Variants in RUNDC3B observed in about 807,000 individuals in gnomAD.
RUNDC3B encodes RUN domain-containing protein 3B.
A neutral mutation model predicts 58.4 loss-of-function variants in RUNDC3B; 33 were observed. That is an observed-to-expected ratio of 0.56 (90% CI 0.43 to 0.75). RUNDC3B has a LOEUF of 0.75. RUNDC3B is among the 30% of genes least tolerant of loss of function. RUNDC3B has a pLI of 0.00. For synonymous variants in RUNDC3B, 193 were observed against 195.2 expected (o/e 0.99, Z 0.10); for missense variants, 501 against 535.7 (o/e 0.94, Z 0.64).
At chr7:87,709,719 A>G (rs1437691620) in intron 3 of RUNDC3B, among the ~76,000 whole-genome samples, 2 of 152,092 alleles carry the variant, frequency 1.3e-5, no homozygotes, top group Admixed American at 6.6e-5. Context: ...ATATATATTG[A>G]TTAGTGTCAC....
chr7:87,763,109 C>A (rs534276430), intron 6 of RUNDC3B, among the ~76,000 whole-genome samples: 2 of 151,294 alleles, frequency 1.3e-5, no homozygotes, highest in Admixed American at 1.3e-4. Context: ...TTCTATGATA[C>A]CCCATTAATT....
chr7:87,781,123 G>A (rs1348657318), intron 8 of RUNDC3B, among the ~76,000 whole-genome samples: 2 of 152,052 alleles, frequency 1.3e-5, no homozygotes, highest in South Asian at 2.1e-4. Context: ...TCATGAGCAC[G>A]GAATATTTTT....
chr7:87,700,446 A>C lies in RUNDC3B; in HGVS notation c.264A>C (p.Glu88Asp), dbSNP rs749444560. The C allele has an allele frequency of 1.2e-6, 2 of 1,612,068 alleles. No individual in the cohort carries two copies. Among genetic ancestry groups the C allele is most frequent in the South Asian group, 2.2e-5 (2 of 90,124 alleles). ...GTCAAGTAACCTGGTTTGGTTATGA[A>C]AGTCCTCGTAGCTTCTGGGACTATA... ...LKGQVTWFGY[E>D]SPRSFWDYIR... Residue 88 changes from glutamate to aspartate, a missense_variant, in exon 3 of 11, where the codon GAA becomes GAC. Glu to Asp is a conservative substitution (Grantham distance 45, BLOSUM62 2). Coordinates refer to ENST00000394654, the MANE Select transcript of RUNDC3B (RefSeq NM_001134405.2).
intron 5 of RUNDC3B, among the ~76,000 whole-genome samples, chr7:87,740,482 T>A (rs1349724625): frequency 2.6e-5 from 4 of 152,248 alleles, no homozygotes; most frequent in Admixed American, 2.6e-4. Flanking sequence ...GATCCCAGAT[T>A]TTACATTATA....
At chr7:87,722,828 C>G (rs759023837) in intron 4 of RUNDC3B, among the ~76,000 whole-genome samples, 1 of 152,192 alleles carries the variant, frequency 6.6e-6, no homozygotes, top group Non-Finnish European at 1.5e-5. Context: ...GTTGAGAAAT[C>G]AAGGGACTTG....
At chr7:87,712,337 A>AT (rs1563154684) in intron 4 of RUNDC3B, among the ~76,000 whole-genome samples, 1 of 152,142 alleles carries the variant, frequency 6.6e-6, no homozygotes, top group African/African-American at 2.4e-5. Flanking sequence ...AACATTTATC[A>AT]TTACTAAGTT....
intron 2 of RUNDC3B, among the ~76,000 whole-genome samples, chr7:87,679,398 C>CT (rs35405859): frequency 1.3e-5 from 2 of 149,170 alleles, no homozygotes; most frequent in East Asian, 2.0e-4. Context: ...CGGCCCCCAA[C>CT]TTTTTTTTAA....
At chr7:87,824,257 C>A (rs893335652) in intron 10 of RUNDC3B, among the ~76,000 whole-genome samples, 2 of 152,116 alleles carry the variant, frequency 1.3e-5, no homozygotes, top group African/African-American at 4.8e-5. Context: ...ATGTGAGGAA[C>A]CCAGTGGGAG....
At chr7:87,664,720 A>G (rs1426562007) in intron 2 of RUNDC3B, among the ~76,000 whole-genome samples, 1 of 152,168 alleles carries the variant, frequency 6.6e-6, no homozygotes, top group East Asian at 1.9e-4. Context: ...ACAGAACAGG[A>G]AGAAATTTAA....
intron 4 of RUNDC3B, among the ~76,000 whole-genome samples, chr7:87,717,385 T>C (rs1830614291): frequency 6.6e-6 from 1 of 152,048 alleles, no homozygotes; most frequent in South Asian, 2.1e-4. Context: ...ATTTGCTTTA[T>C]CAATTTATCT....
In RUNDC3B at chr7:87,773,899, A is replaced by T. The variant is rs1426203424; in HGVS notation, c.798+3150A>T. Among the ~76,000 whole-genome samples the T allele has an allele frequency of 2.6e-5, 4 of 152,140 alleles. No individual in the cohort carries two copies. The East Asian group carries it at 7.7e-4, about 29-fold the overall frequency. ...CACGACGTTGGCTAGGCTGGTCTCT[A>T]ACTCCTGACCTCAAGTGATCTGCCC... On this transcript the variant is annotated intron_variant, in intron 7 of 10. Coordinates refer to ENST00000394654, the MANE Select transcript of RUNDC3B (RefSeq NM_001134405.2).
rs1176050391 is a variant in RUNDC3B at position 87,628,939 on chromosome 7, T to C, written c.116T>C (p.Val39Ala). Reference protein sequence around the residue: ...AAVERRNLITVCRFSVKTLID... With the variant: ...AAVERRNLITACRFSVKTLID... Reference sequence around the variant, plus strand: ...GTGGAGAGGAGGAACCTGATCACCGTGTGCAGGTACGGCAGCGCAGGGCGA... The same window carrying C: ...GTGGAGAGGAGGAACCTGATCACCGCGTGCAGGTACGGCAGCGCAGGGCGA... Residue 39 changes from valine (V) to alanine (A), a missense_variant, in exon 1 of 11, where the codon GTG becomes GCG. Physicochemically the swap from Val to Ala is moderately conservative, Grantham distance 64. Transcript: ENST00000394654. The C allele has an allele frequency of 7.6e-7, 1 of 1,310,104 alleles. No individual in the cohort carries two copies. The highest frequency in any genetic ancestry group is 9.8e-7 in the Non-Finnish European group (1 of 1,020,534). 81.2% of individuals were successfully genotyped at this position (1,310,104 alleles called of 1,614,324 possible).
intron 6 of RUNDC3B, among the ~76,000 whole-genome samples, chr7:87,766,726 T>G (rs193267725): frequency 1.3e-5 from 2 of 152,208 alleles, no homozygotes; most frequent in Admixed American, 1.3e-4. Flanking sequence ...GCCTTGGTGG[T>G]GTTGATTTTG....
chr7:87,773,783 T>A (rs1834451858), intron 7 of RUNDC3B, among the ~76,000 whole-genome samples: 1 of 152,116 alleles, frequency 6.6e-6, no homozygotes, highest in Non-Finnish European at 1.5e-5. Context: ...GTTCAAGTGA[T>A]TCTCCTGCCT....
chr7:87,691,072 G>T (rs1444330691), intron 2 of RUNDC3B, among the ~76,000 whole-genome samples: 1 of 152,088 alleles, frequency 6.6e-6, no homozygotes, highest in East Asian at 1.9e-4. Flanking sequence ...AGAAAACAAA[G>T]TTGGAACATG....
At chr7:87,734,099 C>T (rs1831775133) in intron 4 of RUNDC3B, among the ~76,000 whole-genome samples, 1 of 152,124 alleles carries the variant, frequency 6.6e-6, no homozygotes, top group Non-Finnish European at 1.5e-5. Flanking sequence ...AATAACACTG[C>T]ATACTAACTA....
chr7:87,814,934 G>A (rs913398256), intron 9 of RUNDC3B, among the ~76,000 whole-genome samples: 1 of 151,976 alleles, frequency 6.6e-6, no homozygotes. Flanking sequence ...TTGTCCATTC[G>A]TTATGAAATC....
At chr7:87,700,324 T>C in intron 2 of RUNDC3B, 97 bp from the exon 3 acceptor site, 1 of 1,065,882 alleles carries the variant, frequency 9.4e-7, no homozygotes, top group Non-Finnish European at 1.3e-6. Context: ...TAGTTCACTA[T>C]ATTACCTTTA....
chr7:87,819,210 A>G (rs1042504225), intron 10 of RUNDC3B, among the ~76,000 whole-genome samples: 3 of 152,280 alleles, frequency 2.0e-5, no homozygotes, highest in African/African-American at 7.2e-5. Flanking sequence ...AGTCAACACC[A>G]TTAGAGGGTA....
Sources: allele counts gnomAD v4.1 joint callset (sites outside exome capture counted in the v4.1 genomes callset), GRCh38; gene constraint gnomAD v4.1.1; transcripts MANE v1.5; gene names NCBI Gene and HGNC (gene_info 2026-07-23, HGNC 2026-07-21).